PPP2R2B: variants seen among roughly 807,000 people sequenced by gnomAD.
PPP2R2B encodes the protein serine/threonine-protein phosphatase 2A 55 kDa regulatory subunit B beta isoform.
In PPP2R2B, 5 loss-of-function variants were observed where a neutral mutation model predicts 46.0. The observed-to-expected ratio is 0.11, with a 90% CI of 0.06 to 0.23. The LOEUF is 0.23. Ranked by LOEUF, PPP2R2B falls within the 10% of genes least tolerant of loss-of-function variation. PPP2R2B has a pLI of 1.00. For missense variants in PPP2R2B, 367 were observed against 575.0 expected, an observed-to-expected ratio of 0.64 and a Z score of 3.70; for synonymous variants, 215 against 206.7, an observed-to-expected ratio of 1.04 and a Z score of -0.34.
At chr5:146,816,838 G>C (rs950072619) in intron 2 of PPP2R2B, among the ~76,000 whole-genome samples, 6 of 152,150 alleles carry the variant, frequency 3.9e-5, no homozygotes, top group Non-Finnish European at 8.8e-5. Context: ...CCCAAGATTT[G>C]AATACAGTCA....
At chr5:146,781,647 A>G (rs889938784) in intron 2 of PPP2R2B, among the ~76,000 whole-genome samples, 3 of 152,138 alleles carry the variant, frequency 2.0e-5, no homozygotes, top group Non-Finnish European at 4.4e-5. Flanking sequence ...GACAAAAAGT[A>G]TGTATTGCTT....
At chr5:147,060,224 G>A (rs1467934447), upstream of PPP2R2B, among the ~76,000 whole-genome samples, 3 of 152,090 alleles carry the variant, frequency 2.0e-5, no homozygotes, top group African/African-American at 7.2e-5. Flanking sequence ...CACATACCAT[G>A]TTCCTCTTTT....
intron 2 of PPP2R2B, among the ~76,000 whole-genome samples, chr5:146,726,453 C>G (rs189196326): frequency 6.6e-6 from 1 of 152,160 alleles, no homozygotes; most frequent in East Asian, 1.9e-4. Context: ...ACACACATAC[C>G]CTGATTATTA....
chr5:146,778,317 A>T (rs161030), intron 2 of PPP2R2B, among the ~76,000 whole-genome samples: 90,442 of 152,058 alleles, frequency 0.59, 28,287 homozygotes, highest in Non-Finnish European at 0.68. Context: ...ATGAAATTGT[A>T]ATATGGAAAA....
At chr5:146,890,792 A>T (rs319189) in intron 1 of PPP2R2B, among the ~76,000 whole-genome samples, 71,118 of 151,972 alleles carry the variant, frequency 0.47, 17,912 homozygotes, top group East Asian at 0.71. Flanking sequence ...TAAATTTACA[A>T]TTGAAAAGTA....
intron 1 of PPP2R2B, among the ~76,000 whole-genome samples, chr5:146,909,946 A>C (rs1284020691): frequency 1.3e-5 from 2 of 152,220 alleles, no homozygotes; most frequent in African/African-American, 2.4e-5. Flanking sequence ...ATTGACATCC[A>C]TTTATCTAAT....
intron 2 of PPP2R2B, among the ~76,000 whole-genome samples, chr5:146,739,688 C>T (rs946213716): frequency 1.3e-5 from 2 of 152,314 alleles, no homozygotes; most frequent in East Asian, 3.9e-4. Flanking sequence ...GCACATTTTA[C>T]TCTAGCCCTG....
chr5:147,038,570 T>C (rs1189981803), intron 1 of PPP2R2B, among the ~76,000 whole-genome samples: 1 of 152,168 alleles, frequency 6.6e-6, no homozygotes, highest in East Asian at 1.9e-4. Context: ...GATAAAAGGA[T>C]GGCAACAATG....
intron 2 of PPP2R2B, among the ~76,000 whole-genome samples, chr5:146,840,273 C>A (rs139127086): frequency 6.6e-6 from 1 of 152,070 alleles, no homozygotes. Flanking sequence ...GTGCCAGGCA[C>A]GTTGTCCTTA....
chr5:146,948,343 G>A (rs1488524861), intron 1 of PPP2R2B, among the ~76,000 whole-genome samples: 1 of 151,964 alleles, frequency 6.6e-6, no homozygotes, highest in African/African-American at 2.4e-5. Flanking sequence ...TTTATACAAC[G>A]AGGGATAATG....
chr5:146,802,341 A>G (rs1756914286), intron 2 of PPP2R2B, among the ~76,000 whole-genome samples: 1 of 152,156 alleles, frequency 6.6e-6, no homozygotes, highest in South Asian at 2.1e-4. Context: ...TCTACCCAAG[A>G]ACTCAACAGG....
chr5:146,836,969 C>T lies in PPP2R2B; in HGVS notation c.70+41033G>A, dbSNP rs186432689. Among the ~76,000 whole-genome samples the T allele has an allele frequency of 1.8e-3, 278 of 152,296 alleles. 1 individual carries two copies. The highest frequency in any genetic ancestry group is 6.8e-3 in the Middle Eastern group (2 of 294). The stretch of plus-strand genomic sequence containing the variant: ...TCATTCAACAAATATGTATTGAACA[C>T]TTGGTTTTAGGTGCTACGCCAACAA... On this transcript the variant is annotated intron_variant, in intron 2 of 9. Transcript: ENST00000394411.
chr5:147,081,423 G>T, exon 1 of PPP2R2B: 1 of 870,140 alleles, frequency 1.1e-6, no homozygotes. Context: ...GGCCCTGGCA[G>T]CGTCCTGGAG....
intron 7 of PPP2R2B, among the ~76,000 whole-genome samples, chr5:146,618,819 G>A (rs1042336497): frequency 1.3e-5 from 2 of 152,164 alleles, no homozygotes; most frequent in African/African-American, 2.4e-5. Flanking sequence ...AGAACCCAGC[G>A]GCTGCAAAGG....
intron 5 of PPP2R2B, among the ~76,000 whole-genome samples, chr5:146,684,053 C>A (rs187583171): frequency 6.6e-6 from 1 of 152,040 alleles, no homozygotes; most frequent in East Asian, 1.9e-4. Context: ...ATCCAGGAGC[C>A]GTTGGTGCCA....
At chr5:146,723,526 T>A (rs1425205334) in intron 2 of PPP2R2B, among the ~76,000 whole-genome samples, 1 of 152,118 alleles carries the variant, frequency 6.6e-6, no homozygotes, top group Non-Finnish European at 1.5e-5. Context: ...TGTATAAAAG[T>A]CATTAAGCTG....
intron 2 of PPP2R2B, among the ~76,000 whole-genome samples, chr5:146,704,292 A>G (rs1226439675): frequency 1.3e-5 from 2 of 152,222 alleles, no homozygotes; most frequent in Non-Finnish European, 2.9e-5. Context: ...ACTGCTCAAG[A>G]CAAAATAATT....
intron 2 of PPP2R2B, among the ~76,000 whole-genome samples, chr5:146,715,687 G>A (rs902805706): frequency 6.6e-6 from 1 of 152,132 alleles, no homozygotes; most frequent in Admixed American, 6.5e-5. Flanking sequence ...AAGACTAGTC[G>A]TGGAGCTGGG....
intron 1 of PPP2R2B, among the ~76,000 whole-genome samples, chr5:146,925,656 T>C (rs1763758927): frequency 6.6e-6 from 1 of 152,204 alleles, no homozygotes; most frequent in African/African-American, 2.4e-5. Context: ...TCTTTGAGCT[T>C]CTTGGGTGTA....
Sources: gnomAD v4.1 joint callset for allele counts (sites outside exome capture counted in the v4.1 genomes callset) on GRCh38, gnomAD v4.1.1 for gene constraint, MANE v1.5 for transcripts, NCBI Gene and HGNC (gene_info 2026-07-23, HGNC 2026-07-21) for gene names.